Variants in KCNH1 observed in about 807,000 individuals in gnomAD.
KCNH1 encodes voltage-gated delayed rectifier potassium channel KCNH1.
KCNH1 carries 27 observed loss-of-function variants against 69.2 expected under a neutral mutation model. The ratio of observed to expected loss-of-function variants is 0.39; its 90% CI spans 0.29 to 0.54. The LOEUF (loss-of-function observed/expected upper bound fraction) is 0.54, where lower values mean the gene tolerates loss of function less well. Among genes scored for constraint, KCNH1 ranks in the 20% least tolerant of loss-of-function variants. The pLI, the probability that KCNH1 is intolerant of heterozygous loss-of-function variation, is 0.68. For missense variants in KCNH1, 798 were observed against 1,261.6 expected, an observed-to-expected ratio of 0.63 and a Z score of 5.57; for synonymous variants, 456 against 487.7, an observed-to-expected ratio of 0.93 and a Z score of 0.86.
At chr1:211,032,982 G>A (rs1258240837) in intron 5 of KCNH1, among the ~76,000 whole-genome samples, 1 of 152,162 alleles carries the variant, frequency 6.6e-6, no homozygotes, top group Non-Finnish European at 1.5e-5. Context: ...GCAACCTACA[G>A]AGTGGGAGAA....
intron 9 of KCNH1, among the ~76,000 whole-genome samples, chr1:210,776,044 A>G (rs1290162694): frequency 1.3e-5 from 2 of 152,192 alleles, no homozygotes; most frequent in Non-Finnish European, 2.9e-5. Flanking sequence ...TGGTGGGTCT[A>G]TATTAGCGTG....
At chr1:211,028,048 G>A (rs1001324955) in intron 5 of KCNH1, among the ~76,000 whole-genome samples, 5 of 152,038 alleles carry the variant, frequency 3.3e-5, no homozygotes, top group South Asian at 2.1e-4. Flanking sequence ...TTTTACAAGT[G>A]TACACAAAAT....
rs1441641388 is a variant in KCNH1 at position 210,682,570 on chromosome 1, G to T, written c.*711C>A. The T allele has an allele frequency of 2.0e-5, 3 of 152,492 alleles. No individual in the cohort carries two copies. The East Asian group carries it at 5.8e-4, about 29-fold the overall frequency. The allele number at this position is 152,492 out of a possible 1,614,324, so 9.4% of individuals were successfully genotyped here. On this transcript the variant is annotated 3_prime_UTR_variant, in exon 11 of 11. Coordinates refer to ENST00000271751, the MANE Select transcript of KCNH1 (RefSeq NM_172362.3). ...GGAGCAGGCTATGGGTTGCACCGCA[G>T]AGAACCCCTGGATCTTAAGGGCCCC...
chr1:210,918,351 C>A (rs891637096), intron 7 of KCNH1, among the ~76,000 whole-genome samples: 2 of 152,174 alleles, frequency 1.3e-5, no homozygotes, highest in African/African-American at 4.8e-5. Flanking sequence ...TGTGCTCAGA[C>A]CTGTCTAAAC....
chr1:211,037,209 C>T (rs1292643599), intron 5 of KCNH1, among the ~76,000 whole-genome samples: 1 of 152,098 alleles, frequency 6.6e-6, no homozygotes, highest in Admixed American at 6.5e-5. Context: ...TGACATGACT[C>T]ACCCTGAGTC....
At chr1:210,963,409 G>A (rs374664200) in intron 6 of KCNH1, among the ~76,000 whole-genome samples, 1 of 152,044 alleles carries the variant, frequency 6.6e-6, no homozygotes, top group Non-Finnish European at 1.5e-5. Context: ...CCTCACCAGC[G>A]AGGGAACAAA....
intron 10 of KCNH1, among the ~76,000 whole-genome samples, chr1:210,742,005 T>C (rs1683043932): frequency 6.6e-6 from 1 of 152,108 alleles, no homozygotes; most frequent in Non-Finnish European, 1.5e-5. Flanking sequence ...CTCATAACTA[T>C]TGGAAGGAAA....
intron 6 of KCNH1, among the ~76,000 whole-genome samples, chr1:211,012,247 T>C (rs1314567954): frequency 1.3e-5 from 2 of 152,194 alleles, no homozygotes; most frequent in African/African-American, 4.8e-5. Flanking sequence ...ATGTTGCTTT[T>C]ACCCAGGTGC....
intron 3 of KCNH1, among the ~76,000 whole-genome samples, chr1:211,101,571 C>T (rs1045109440): frequency 2.0e-5 from 3 of 152,202 alleles, no homozygotes; most frequent in African/African-American, 7.2e-5. Context: ...TTCCTCAGCA[C>T]AGATGCAATT....
At chr1:210,984,785 G>A (rs904370810) in intron 6 of KCNH1, among the ~76,000 whole-genome samples, 3 of 152,182 alleles carry the variant, frequency 2.0e-5, no homozygotes, top group South Asian at 4.1e-4. Context: ...GTATGAGGAT[G>A]ATTCTGGTCT....
At chr1:210,785,682 T>G (rs907974005) in intron 9 of KCNH1, among the ~76,000 whole-genome samples, 3 of 152,180 alleles carry the variant, frequency 2.0e-5, no homozygotes, top group Non-Finnish European at 4.4e-5. Flanking sequence ...TCCCCATTCC[T>G]GATATGTCTC....
At chr1:210,998,477 A>G (rs12145265) in intron 6 of KCNH1, among the ~76,000 whole-genome samples, 8,923 of 152,280 alleles carry the variant, frequency 0.059, 331 homozygotes, top group East Asian at 0.18. Context: ...CTAAATATAT[A>G]TGCATCCAAC....
At chr1:210,936,791 C>A (rs892971130) in intron 6 of KCNH1, among the ~76,000 whole-genome samples, 6 of 152,124 alleles carry the variant, frequency 3.9e-5, no homozygotes, top group African/African-American at 1.4e-4. Flanking sequence ...TGCCAATGAT[C>A]TTTACCTTTA....
At chr1:210,729,144 A>G (rs1682681486) in intron 10 of KCNH1, among the ~76,000 whole-genome samples, 1 of 152,192 alleles carries the variant, frequency 6.6e-6, no homozygotes, top group Non-Finnish European at 1.5e-5. Flanking sequence ...GCCATTCTGC[A>G]TTTTTAAATT....
Position 211,082,848 on chromosome 1 carries a change from C to T in KCNH1, c.490G>A (p.Val164Ile). ...LTRALTSSRG[V>I]LQQLAPSVQK... ...ACGCTTGGAGCCAGCTGCTGCAGGA[C>T]ACCCCTGCTGCTTGTCAGTGCTCTT... The change falls in exon 5 of 11, where the codon GTC becomes ATC. Residue 164 changes from valine (V) to isoleucine (I), a missense_variant. Coordinates refer to ENST00000271751, the MANE Select transcript of KCNH1 (RefSeq NM_172362.3). The T allele has an allele frequency of 2.5e-6, 4 of 1,614,186 alleles. No homozygotes were observed. Among genetic ancestry groups the T allele is most frequent in the Non-Finnish European group, 3.4e-6 (4 of 1,180,024 alleles).
chr1:210,923,273 T>A (rs1313619764), intron 6 of KCNH1, among the ~76,000 whole-genome samples: 3 of 152,152 alleles, frequency 2.0e-5, no homozygotes, highest in Admixed American at 6.5e-5. Flanking sequence ...TTCCTCTGAG[T>A]TCAGCAATGT....
intron 6 of KCNH1, among the ~76,000 whole-genome samples, chr1:211,011,649 G>A (rs1165918148): frequency 1.3e-5 from 2 of 152,092 alleles, no homozygotes; most frequent in East Asian, 1.9e-4. Flanking sequence ...CAGTTTCACG[G>A]TTAATCACTG....
At chr1:210,759,806 C>A (rs1197769056) in intron 10 of KCNH1, among the ~76,000 whole-genome samples, 2 of 152,100 alleles carry the variant, frequency 1.3e-5, no homozygotes, top group African/African-American at 2.4e-5. Context: ...GAGAGGTCAA[C>A]AGGCAGATAT....
intron 10 of KCNH1, among the ~76,000 whole-genome samples, chr1:210,687,041 A>G (rs986229230): frequency 3.3e-5 from 5 of 152,200 alleles, no homozygotes; most frequent in South Asian, 4.1e-4. Flanking sequence ...CACAGAGGTC[A>G]TAGTCAATGT....
Sources: allele counts gnomAD v4.1 joint callset (sites outside exome capture counted in the v4.1 genomes callset), GRCh38; gene constraint gnomAD v4.1.1; transcripts MANE v1.5; gene names NCBI Gene and HGNC (gene_info 2026-07-23, HGNC 2026-07-21).